ASTN2: variants seen among roughly 807,000 people sequenced by gnomAD.
ASTN2 encodes astrotactin-2.
Under a neutral mutation model 139.8 loss-of-function variants are expected in ASTN2, and 54 were observed. The ratio of observed to expected loss-of-function variants is 0.39; its 90% CI spans 0.31 to 0.48. The LOEUF (loss-of-function observed/expected upper bound fraction) is 0.48, where lower values mean the gene tolerates loss of function less well. ASTN2 is among the 20% of genes least tolerant of loss of function. The pLI, the probability that ASTN2 is intolerant of heterozygous loss-of-function variation, is 0.95. For missense variants in ASTN2, 1,565 were observed against 1,725.1 expected, an observed-to-expected ratio of 0.91 and a Z score of 1.64; for synonymous variants, 756 against 719.5, an observed-to-expected ratio of 1.05 and a Z score of -0.81.
intron 1 of ASTN2, among the ~76,000 whole-genome samples, chr9:117,384,785 T>A (rs1830355457): frequency 6.6e-6 from 1 of 152,160 alleles, no homozygotes; most frequent in African/African-American, 2.4e-5. Flanking sequence ...TTCTTCCCAA[T>A]CCTACTTCAA....
chr9:117,053,603 C>T (rs1435603173), intron 5 of ASTN2, among the ~76,000 whole-genome samples: 1 of 152,202 alleles, frequency 6.6e-6, no homozygotes, highest in African/African-American at 2.4e-5. Flanking sequence ...TTCACCCCAG[C>T]AACATCCTGG....
At chr9:116,477,932 G>A (rs965629516) in intron 20 of ASTN2, among the ~76,000 whole-genome samples, 3 of 150,684 alleles carry the variant, frequency 2.0e-5, no homozygotes, top group Admixed American at 1.3e-4. Flanking sequence ...GACACGGAGA[G>A]GGAAGTAGTG....
intron 1 of ASTN2, among the ~76,000 whole-genome samples, chr9:117,305,963 CA>C: frequency 6.6e-6 from 1 of 152,286 alleles, no homozygotes; most frequent in Non-Finnish European, 1.5e-5. Flanking sequence ...GCTTTTACTC[CA>C]GTTAATATAG....
At chr9:117,113,418 G>A (rs913107251) in intron 4 of ASTN2, among the ~76,000 whole-genome samples, 3 of 152,180 alleles carry the variant, frequency 2.0e-5, no homozygotes, top group African/African-American at 7.2e-5. Flanking sequence ...CACATTGGGA[G>A]GCCAAGCAGG....
At chr9:117,016,831 T>A (rs1837728959) in intron 6 of ASTN2, among the ~76,000 whole-genome samples, 1 of 135,680 alleles carries the variant, frequency 7.4e-6, no homozygotes, top group African/African-American at 3.1e-5. Context: ...ATATATATGT[T>A]TTTCCAAATA....
chr9:117,291,304 G>A (rs1834584763), intron 2 of ASTN2, 22 bp downstream of exon 2: 2 of 1,612,946 alleles, frequency 1.2e-6, no homozygotes, highest in South Asian at 1.1e-5. Flanking sequence ...CCCGACCCCG[G>A]TCACATCCCC....
At chr9:116,985,671 G>A (rs1836657526) in intron 7 of ASTN2, among the ~76,000 whole-genome samples, 1 of 152,252 alleles carries the variant, frequency 6.6e-6, no homozygotes, top group Admixed American at 6.5e-5. Flanking sequence ...GGAGTGGGGT[G>A]AAGAAATCTC....
At chr9:117,144,593 C>T (rs747723915) in intron 3 of ASTN2, among the ~76,000 whole-genome samples, 12 of 147,730 alleles carry the variant, frequency 8.1e-5, no homozygotes, top group Admixed American at 5.4e-4. Context: ...TGCACAGATA[C>T]GGATGACAGT....
intron 12 of ASTN2, among the ~76,000 whole-genome samples, chr9:116,807,690 T>C (rs904930091): frequency 6.6e-6 from 1 of 152,110 alleles, no homozygotes; most frequent in Non-Finnish European, 1.5e-5. Flanking sequence ...TGAGAAAATA[T>C]GGAGAAATGG....
At chr9:117,323,500 C>A (rs1828405869) in intron 1 of ASTN2, among the ~76,000 whole-genome samples, 1 of 152,180 alleles carries the variant, frequency 6.6e-6, no homozygotes, top group African/African-American at 2.4e-5. Flanking sequence ...AGCCTGAAGA[C>A]TTCCCAATAT....
At chr9:116,838,106 T>TTG (rs1832064328) in intron 11 of ASTN2, among the ~76,000 whole-genome samples, 1 of 138,624 alleles carries the variant, frequency 7.2e-6, no homozygotes, top group Non-Finnish European at 1.6e-5. Context: ...GCTGTGTTTT[T>TTG]TTTTGTTTTG....
Position 116,440,093 on chromosome 9 carries a change from T to C in ASTN2, c.3782+516A>G, listed in dbSNP as rs899204407. Among the ~76,000 whole-genome samples, 7 of 152,346 alleles carry C rather than the reference T, an allele frequency of 4.6e-5. No homozygotes were observed. The South Asian group carries it at 6.2e-4, about 14-fold the overall frequency. On this transcript the variant is annotated intron_variant, in intron 22 of 22. Transcript: ENST00000313400. ...TTCTGTTTGAATCATTCATGGTTCCTGGCATAGTGACTGGCATGCAGGACA... is the reference window on the plus strand; with the variant it reads ...TTCTGTTTGAATCATTCATGGTTCCCGGCATAGTGACTGGCATGCAGGACA...
chr9:117,237,604 C>A (rs1024043800), intron 2 of ASTN2, among the ~76,000 whole-genome samples: 2 of 152,248 alleles, frequency 1.3e-5, no homozygotes, highest in South Asian at 4.1e-4. Context: ...CTCAGCCTCC[C>A]GAGTAGCTGG....
intron 1 of ASTN2, among the ~76,000 whole-genome samples, chr9:117,297,889 T>C (rs1834775201): frequency 1.3e-5 from 2 of 152,228 alleles, no homozygotes; most frequent in African/African-American, 4.8e-5. Context: ...CTCACACAAG[T>C]TGACCTTGAC....
At chr9:116,945,471 A>G (rs758621718) in intron 10 of ASTN2, among the ~76,000 whole-genome samples, 8 of 152,172 alleles carry the variant, frequency 5.3e-5, no homozygotes, top group Non-Finnish European at 1.0e-4. Flanking sequence ...AGGATACCAA[A>G]GTTAAGACAA....
Position 116,761,422 on chromosome 9 carries a change from C to T in ASTN2, c.2397-27899G>A, listed in dbSNP as rs534104506. Among the ~76,000 whole-genome samples the T allele has an allele frequency of 3.3e-5, 5 of 152,206 alleles. No individual in the cohort carries two copies. The East Asian group carries it at 9.7e-4, about 29-fold the overall frequency. On this transcript the variant is annotated intron_variant, in intron 13 of 22. Coordinates refer to ENST00000313400, the MANE Select transcript of ASTN2 (RefSeq NM_001365068.1). ...GAAGGTGCTCTCTGCAAGAGAAGAG[C>T]GCAGAGTAGGAAGGATCACTCAGCC...
At chr9:117,375,193 G>A (rs1356527115) in intron 1 of ASTN2, among the ~76,000 whole-genome samples, 1 of 152,194 alleles carries the variant, frequency 6.6e-6, no homozygotes, top group Non-Finnish European at 1.5e-5. Flanking sequence ...TGCCCTCTAG[G>A]GCTCAGTCTG....
intron 3 of ASTN2, among the ~76,000 whole-genome samples, chr9:117,188,248 T>C (rs1831258401): frequency 6.6e-6 from 1 of 151,570 alleles, no homozygotes; most frequent in South Asian, 2.1e-4. Flanking sequence ...AGTGACTAGT[T>C]CAAGACATCA....
chr9:117,335,311 T>C (rs1828849495), intron 1 of ASTN2, among the ~76,000 whole-genome samples: 1 of 152,192 alleles, frequency 6.6e-6, no homozygotes, highest in Non-Finnish European at 1.5e-5. Context: ...AATGAAGAAA[T>C]GATATCTCCA....
Sources: allele counts gnomAD v4.1 joint callset (sites outside exome capture counted in the v4.1 genomes callset), GRCh38; gene constraint gnomAD v4.1.1; transcripts MANE v1.5; gene names NCBI Gene and HGNC (gene_info 2026-07-23, HGNC 2026-07-21).